Variants in ANK2 observed in about 807,000 individuals in gnomAD.
The protein encoded by ANK2 is ankyrin 2.
In ANK2, 83 loss-of-function variants were observed where a neutral mutation model predicts 360.5. The ratio of observed to expected loss-of-function variants is 0.23; its 90% confidence interval spans 0.19 to 0.28. The LOEUF is 0.28. Among genes scored for constraint, ANK2 ranks in the 10% least tolerant of loss-of-function variants. The pLI, the probability that ANK2 is intolerant of heterozygous loss-of-function variation, is 1.00. For missense variants in ANK2, 4,201 were observed against 4,795.7 expected, an observed-to-expected ratio of 0.88 and a Z score of 3.66; for synonymous variants, 1,740 against 1,759.5, an observed-to-expected ratio of 0.99 and a Z score of 0.28.
intron 1 of ANK2, among the ~76,000 whole-genome samples, chr4:113,134,210 T>C (rs572213253): frequency 3.2e-4 from 49 of 151,488 alleles, no homozygotes; most frequent in Admixed American, 1.3e-3. Flanking sequence ...CAAAGTATCA[T>C]ATGACTGGCT....
rs866384643 is a variant in ANK2, at chr4:113,356,527, C to T, written c.7909C>T (p.Pro2637Ser). The stretch of plus-strand genomic sequence containing the variant: ...TGACTGTTCAGTAGATGTGGATGAA[C>T]CAAAACATACAGGCAGTGGGGAGGA... The part of the protein sequence containing the change: ...DADCSVDVDE[P>S]KHTGSGEDES... Residue 2637 changes from proline (P) to serine (S), a missense_variant, in exon 38 of 46, where the codon CCA becomes TCA. By Grantham distance (74) the Pro-to-Ser change is moderately conservative. This residue lies in a region of ANK2 where 2,642 missense variants were observed against 2,714.5 expected (regional missense o/e 0.97). Transcript: ENST00000357077. 1.9e-6 allele frequency: 3 copies of T among 1,614,114 alleles called. No homozygotes were observed. The highest frequency in any genetic ancestry group is 2.5e-6 in the Non-Finnish European group (3 of 1,179,998).
chr4:113,357,021 T>G lies in ANK2; in HGVS notation c.8403T>G (p.Val2801=). 2.2e-5 allele frequency: 35 copies of G among 1,614,090 alleles called. No individual in the cohort carries two copies. Among genetic ancestry groups the G allele is most frequent in the Non-Finnish European group, 3.0e-5 (35 of 1,179,976 alleles). Residue 2801 remains valine, a synonymous_variant, in exon 38 of 46, where the codon GTT becomes GTG. Coordinates refer to ENST00000357077, the MANE Select transcript of ANK2 (RefSeq NM_001148.6). ...TACAGAGTCCGACTGGTGATGATGT[T>G]GATGAACAGCCAGTCATCTATAAAG... ...SGLQSPTGDD[V]DEQPVIYKES...
chr4:112,989,699 A>G (rs1346996562), intron 2 of ANK2, among the ~76,000 whole-genome samples: 1 of 152,234 alleles, frequency 6.6e-6, no homozygotes, highest in Admixed American at 6.5e-5. Context: ...AGGTCTTAAA[A>G]GAGAATGGCA....
chr4:113,028,433 T>C (rs2059717232), intron 2 of ANK2, among the ~76,000 whole-genome samples: 5 of 152,190 alleles, frequency 3.3e-5, no homozygotes, highest in Non-Finnish European at 7.4e-5. Flanking sequence ...ACCTATGTTG[T>C]GCCAGGCACT....
At chr4:112,866,858 T>C (rs1488071455) in intron 1 of ANK2, among the ~76,000 whole-genome samples, 1 of 152,178 alleles carries the variant, frequency 6.6e-6, no homozygotes, top group Non-Finnish European at 1.5e-5. Context: ...TGTGGTGATG[T>C]ATTAGTCTTA....
chr4:112,931,983 A>G (rs538904859), intron 2 of ANK2, among the ~76,000 whole-genome samples: 7 of 152,346 alleles, frequency 4.6e-5, no homozygotes, highest in African/African-American at 1.7e-4. Flanking sequence ...ACTTAAAAAG[A>G]CAACATAGAA....
intron 1 of ANK2, among the ~76,000 whole-genome samples, chr4:112,850,621 A>G (rs1380839962): frequency 2.2e-5 from 3 of 138,518 alleles, no homozygotes; most frequent in Non-Finnish European, 4.5e-5. Flanking sequence ...GATTCACACC[A>G]TTCTCCTGCC....
At chr4:112,809,900 G>A in the ANK2 span, among the ~76,000 whole-genome samples, 3 of 150,462 alleles carry the variant, frequency 2.0e-5, no homozygotes, top group Non-Finnish European at 3.0e-5. Context: ...CCCTGCATTT[G>A]GGGAGAAATG....
At chr4:113,375,230 T>C (rs2096882621) in intron 45 of ANK2, among the ~76,000 whole-genome samples, 1 of 152,236 alleles carries the variant, frequency 6.6e-6, no homozygotes, top group South Asian at 2.1e-4. Context: ...TGATTATACA[T>C]CTTGTTTAAA....
chr4:113,066,557 C>A (rs1270434700), intron 1 of ANK2, among the ~76,000 whole-genome samples: 4 of 152,160 alleles, frequency 2.6e-5, no homozygotes, highest in African/African-American at 7.2e-5. Context: ...CATAGCCTAT[C>A]ACAGGAGCAC....
At chr4:113,082,521 T>C (rs1477179296) in intron 1 of ANK2, among the ~76,000 whole-genome samples, 1 of 152,200 alleles carries the variant, frequency 6.6e-6, no homozygotes, top group Non-Finnish European at 1.5e-5. Context: ...TAATAATTAG[T>C]TTTATATGGC....
At chr4:113,109,994 T>G (rs1437457926) in intron 1 of ANK2, among the ~76,000 whole-genome samples, 1 of 152,180 alleles carries the variant, frequency 6.6e-6, no homozygotes, top group Non-Finnish European at 1.5e-5. Context: ...TTATGGAATA[T>G]GAGTTTGCAC....
chr4:113,159,639 C>T (rs1024953881), intron 1 of ANK2, among the ~76,000 whole-genome samples: 5 of 151,374 alleles, frequency 3.3e-5, no homozygotes, highest in Admixed American at 6.6e-5. Context: ...GATGGAGTCT[C>T]GCTCTGTCAC....
intron 1 of ANK2, among the ~76,000 whole-genome samples, chr4:113,095,471 A>G (rs1478937109): frequency 2.0e-5 from 3 of 152,168 alleles, no homozygotes; most frequent in Non-Finnish European, 2.9e-5. Context: ...GGTGCCTGAG[A>G]GTGTGCCTGT....
At chr4:112,795,978 T>C in the ANK2 span, among the ~76,000 whole-genome samples, 1 of 151,460 alleles carries the variant, frequency 6.6e-6, no homozygotes, top group African/African-American at 2.4e-5. Flanking sequence ...TTTTGTATTT[T>C]TTGTAGAGAT....
chr4:112,880,604 G>A (rs549639355), intron 1 of ANK2: 2 of 152,312 alleles, frequency 1.3e-5, no homozygotes, highest in Admixed American at 1.3e-4. Context: ...GTTAGCTCCA[G>A]AGATTAAAAG....
intron 2 of ANK2, among the ~76,000 whole-genome samples, chr4:113,012,393 C>G (rs763498785): frequency 6.6e-6 from 1 of 152,140 alleles, no homozygotes; most frequent in Non-Finnish European, 1.5e-5. Flanking sequence ...CACAGCTTAT[C>G]CTGTTGAGAA....
At position 112,957,216 on chromosome 4, in the gene ANK2, CTT is replaced by C. The variant is rs1717867419; in HGVS notation, c.21+52703_21+52704del. On this transcript the variant is annotated intron_variant, in intron 2 of 30. Transcript: ENST00000503271. ...TTGAGATTAGGGAGTGGTGATGACT[CTT>C]AACGAGCATGCTGCCTTCAAGCATC... Among the ~76,000 whole-genome samples, 6 of 151,534 alleles carry C rather than the reference CTT, an allele frequency of 4.0e-5. 1 individual carries two copies. The South Asian group carries it at 1.3e-3, about 32-fold the overall frequency.
chr4:113,318,642 A>G, intron 26 of ANK2, 22 bp downstream of exon 26: 1 of 1,570,090 alleles, frequency 6.4e-7, no homozygotes. Context: ...AATATTATGT[A>G]TCCTGATCAA....
Sources: allele counts gnomAD v4.1 joint callset (sites outside exome capture counted in the v4.1 genomes callset), GRCh38; gene constraint gnomAD v4.1.1; regional missense constraint gnomAD v4.1.1; transcripts MANE v1.5; gene names NCBI Gene and HGNC (gene_info 2026-07-23, HGNC 2026-07-21).